Variants in HSD17B12 observed in about 807,000 individuals in gnomAD.
The protein encoded by HSD17B12 is very-long-chain 3-oxoacyl-CoA reductase.
A neutral mutation model predicts 39.3 loss-of-function variants in HSD17B12; 32 were observed. The ratio of observed to expected loss-of-function variants is 0.81; its 90% CI spans 0.61 to 1.09. The LOEUF is 1.09. Among genes scored for constraint, HSD17B12 ranks in the 50% least tolerant of loss-of-function variants. HSD17B12 has a pLI of 0.00. For missense variants in HSD17B12, 342 were observed against 382.9 expected (o/e 0.89, Z 0.89); for synonymous variants, 150 against 146.7 (o/e 1.02, Z -0.16).
intron 1 of HSD17B12, among the ~76,000 whole-genome samples, chr11:43,746,573 A>G (rs1950414544): frequency 6.6e-6 from 1 of 152,164 alleles, no homozygotes; most frequent in Admixed American, 6.5e-5. Context: ...CTCCTGAAGG[A>G]CCTGCCTGAG....
intron 4 of HSD17B12, among the ~76,000 whole-genome samples, chr11:43,814,906 C>T (rs61883827): frequency 0.038 from 5,775 of 152,232 alleles, 156 homozygotes; most frequent in Non-Finnish European, 0.054. Flanking sequence ...ACATGTCTTA[C>T]TCAAAAGTGT....
the HSD17B12 span, among the ~76,000 whole-genome samples, chr11:43,651,262 A>G: frequency 2.6e-5 from 4 of 152,244 alleles, no homozygotes; most frequent in Non-Finnish European, 5.9e-5. Flanking sequence ...TGAGAAGCCA[A>G]TGATGATAAC....
chr11:43,690,971 C>T (rs1949857000), intron 1 of HSD17B12, among the ~76,000 whole-genome samples: 2 of 152,232 alleles, frequency 1.3e-5, no homozygotes, highest in Admixed American at 1.3e-4. Context: ...ATTTTATCCA[C>T]ATGCATCTTT....
chr11:43,634,104 A>AAAAAAAAAAAAAAAAAC, the HSD17B12 span, among the ~76,000 whole-genome samples: 2 of 136,888 alleles, frequency 1.5e-5, no homozygotes, highest in African/African-American at 2.7e-5. Context: ...AAAAAAAAAA[A>AAAAAAAAAAAAAAAAAC]AAAAAGAAAG....
chr11:43,745,861 A>C (rs1008619200), intron 1 of HSD17B12, among the ~76,000 whole-genome samples: 1 of 152,034 alleles, frequency 6.6e-6, no homozygotes, highest in Non-Finnish European at 1.5e-5. Context: ...ACAGGAAAAA[A>C]AAAGGTTGGT....
At chr11:43,650,301 A>G in the HSD17B12 span, among the ~76,000 whole-genome samples, 1 of 152,214 alleles carries the variant, frequency 6.6e-6, no homozygotes, top group African/African-American at 2.4e-5. Flanking sequence ...CTAATAGAAA[A>G]ATGCCAAGAT....
the HSD17B12 span, among the ~76,000 whole-genome samples, chr11:43,660,842 T>C: frequency 1.0e-3 from 155 of 152,304 alleles, no homozygotes; most frequent in African/African-American, 3.5e-3. Context: ...AGGAACAGAC[T>C]GGCCGGGTTC....
At chr11:43,574,893 CA>C in the HSD17B12 span, among the ~76,000 whole-genome samples, 4 of 152,194 alleles carry the variant, frequency 2.6e-5, no homozygotes, top group African/African-American at 9.7e-5. Flanking sequence ...TACCATTCAA[CA>C]AAAGTTATTT....
chr11:43,643,889 AT>A, the HSD17B12 span, among the ~76,000 whole-genome samples: 1 of 152,218 alleles, frequency 6.6e-6, no homozygotes, highest in East Asian at 1.9e-4. Flanking sequence ...GAAGGGGAAG[AT>A]TAATTGAAGT....
chr11:43,559,217 G>C, the HSD17B12 span, among the ~76,000 whole-genome samples: 3 of 152,104 alleles, frequency 2.0e-5, no homozygotes, highest in Admixed American at 1.3e-4. Context: ...GTCTCCCTTT[G>C]ATATAAATGC....
the HSD17B12 span, among the ~76,000 whole-genome samples, chr11:43,635,588 T>C: frequency 6.6e-6 from 1 of 152,218 alleles, no homozygotes; most frequent in African/African-American, 2.4e-5. Flanking sequence ...GGAGAGCACC[T>C]TGAAGATAGT....
chr11:43,591,496 T>C, the HSD17B12 span, among the ~76,000 whole-genome samples: 1 of 152,180 alleles, frequency 6.6e-6, no homozygotes, highest in Admixed American at 6.5e-5. Flanking sequence ...AATGAGATTT[T>C]AAAAATACAA....
intron 3 of HSD17B12, among the ~76,000 whole-genome samples, chr11:43,780,795 A>G (rs935151062): frequency 1.3e-5 from 2 of 152,146 alleles, no homozygotes; most frequent in Non-Finnish European, 2.9e-5. Context: ...CCTGTGGTAC[A>G]TCTTTTGTCA....
intron 1 of HSD17B12, among the ~76,000 whole-genome samples, chr11:43,701,325 G>A (rs1949962118): frequency 6.6e-6 from 1 of 152,154 alleles, no homozygotes; most frequent in South Asian, 2.1e-4. Flanking sequence ...CTGTGCAGAA[G>A]CTTTTTAAGT....
intron 6 of HSD17B12, among the ~76,000 whole-genome samples, chr11:43,819,454 T>C (rs900610400): frequency 5.3e-5 from 8 of 152,138 alleles, no homozygotes; most frequent in African/African-American, 1.9e-4. Context: ...TCAGTGGTCA[T>C]TACGGTGAGT....
chr11:43,686,092 C>A (rs549809951), intron 1 of HSD17B12, among the ~76,000 whole-genome samples: 2 of 152,186 alleles, frequency 1.3e-5, no homozygotes, highest in South Asian at 4.1e-4. Context: ...TTCTGTTTAT[C>A]GCTCTGGCAT....
At chr11:43,587,901 A>T in the HSD17B12 span, among the ~76,000 whole-genome samples, 2 of 152,238 alleles carry the variant, frequency 1.3e-5, no homozygotes, top group Non-Finnish European at 2.9e-5. Flanking sequence ...AGGAAAGACC[A>T]GTCCACTTCT....
chr11:43,665,416 A>G, the HSD17B12 span, among the ~76,000 whole-genome samples: 1 of 152,088 alleles, frequency 6.6e-6, no homozygotes, highest in Admixed American at 6.6e-5. Context: ...ACAGGATCCC[A>G]CTATGTTGCC....
the HSD17B12 span, among the ~76,000 whole-genome samples, chr11:43,669,521 C>T: frequency 1.2e-4 from 18 of 151,300 alleles, no homozygotes; most frequent in Non-Finnish European, 2.5e-4. Context: ...AAAAGAATAG[C>T]AATTTATTCT....
Sources: gnomAD v4.1 joint callset for allele counts (sites outside exome capture counted in the v4.1 genomes callset) on GRCh38, gnomAD v4.1.1 for gene constraint, MANE v1.5 for transcripts, NCBI Gene and HGNC (gene_info 2026-07-23, HGNC 2026-07-21) for gene names.